Variants in WDR26 observed in about 807,000 individuals in gnomAD.
WDR26 encodes the protein WD repeat domain 26.
A neutral mutation model predicts 84.1 loss-of-function variants in WDR26; 5 were observed. That is an observed-to-expected ratio of 0.06 (90% CI 0.03 to 0.13). WDR26 has a LOEUF of 0.13. Ranked by LOEUF, WDR26 falls within the 10% of genes least tolerant of loss-of-function variation. The pLI is 1.00. For missense variants in WDR26, 642 were observed against 974.9 expected (o/e 0.66, Z 4.55); for synonymous variants, 415 against 389.6 (o/e 1.07, Z -0.77).
intron 8 of WDR26, among the ~76,000 whole-genome samples, chr1:224,403,539 T>C (rs930005552): frequency 2.6e-5 from 4 of 152,226 alleles, no homozygotes; most frequent in African/African-American, 7.2e-5. Flanking sequence ...AGTCTTACTA[T>C]TATAACTACA....
chr1:224,413,679 G>A (rs1325616166), intron 6 of WDR26, among the ~76,000 whole-genome samples: 1 of 152,124 alleles, frequency 6.6e-6, no homozygotes, highest in Non-Finnish European at 1.5e-5. Context: ...TTGGACCTAT[G>A]GTTGACTCCA....
chr1:224,403,755 G>A (rs914559504), intron 8 of WDR26, among the ~76,000 whole-genome samples: 4 of 152,202 alleles, frequency 2.6e-5, no homozygotes, highest in Non-Finnish European at 4.4e-5. Flanking sequence ...TGGCCAACAT[G>A]ATGAAACCTC....
intron 1 of WDR26, 44 bp from the exon 2 acceptor site, chr1:224,431,825 G>A: frequency 6.8e-7 from 1 of 1,469,022 alleles, no homozygotes. Flanking sequence ...CCAATTTTAG[G>A]GTTTTAATCC....
intron 9 of WDR26, 134 bp from the exon 10 acceptor site, chr1:224,399,168 A>G: frequency 1.4e-6 from 1 of 719,260 alleles, no homozygotes; most frequent in African/African-American, 1.9e-5. Context: ...TCTCAACCTA[A>G]TTGTTCTAGA....
chr1:224,430,332 T>C (rs1037802712), intron 3 of WDR26: 2 of 152,120 alleles, frequency 1.3e-5, no homozygotes, highest in Non-Finnish European at 2.9e-5. Context: ...TTTTTAATAT[T>C]TTAAGTATTT....
intron 7 of WDR26, among the ~76,000 whole-genome samples, chr1:224,406,110 A>AGAGGCT (rs1673542224): frequency 1.3e-5 from 2 of 152,342 alleles, no homozygotes; most frequent in South Asian, 2.1e-4. Flanking sequence ...CCATACTTTG[A>AGAGGCT]GAGGCTGAGG....
Position 224,401,026 on chromosome 1 carries a change from C to T in WDR26, c.1643G>A (p.Ser548Asn), listed in dbSNP as rs1471460135. 6.2e-7 allele frequency: 1 copy of T among 1,614,028 alleles called. No individual in the cohort carries two copies. The highest frequency in any genetic ancestry group is 8.5e-7 in the Non-Finnish European group (1 of 1,180,022). Reference sequence around the variant, plus strand: ...TGGATTCCAAGCCACACTTGTCAAACTGTCTTCATGAGACTGGCTCATTTT... The same window carrying T: ...TGGATTCCAAGCCACACTTGTCAAATTGTCTTCATGAGACTGGCTCATTTT... The change falls in exon 9 of 14, where the codon AGT (serine) becomes AAT (asparagine). Residue 548 changes from serine to asparagine, a missense_variant. Coordinates refer to ENST00000414423, the MANE Select transcript of WDR26 (RefSeq NM_001379403.1).
At chr1:224,427,701 A>G (rs1233813366) in intron 3 of WDR26, among the ~76,000 whole-genome samples, 1 of 152,250 alleles carries the variant, frequency 6.6e-6, no homozygotes, top group Non-Finnish European at 1.5e-5. Context: ...GTTTGAAAGA[A>G]AATGTTTATT....
At chr1:224,411,747 CTGT>C (rs1260205549) in intron 6 of WDR26, among the ~76,000 whole-genome samples, 182 bp from the exon 7 acceptor site, 3 of 150,242 alleles carry the variant, frequency 2.0e-5, no homozygotes, top group Non-Finnish European at 4.4e-5. Flanking sequence ...TGCCCAGGCT[CTGT>C]ACTGTTGTAC....
chr1:224,407,147 A>ATATATAT (rs1164642480), intron 7 of WDR26, among the ~76,000 whole-genome samples: 4 of 19,454 alleles, frequency 2.1e-4, no homozygotes, highest in African/African-American at 8.0e-4. Flanking sequence ...AAAAAAAAAA[A>ATATATAT]AAAAATATAT....
At chr1:224,433,553 G>C in intron 1 of WDR26, 131 bp downstream of exon 1, 1 of 1,274,492 alleles carries the variant, frequency 7.8e-7, no homozygotes, top group African/African-American at 1.5e-5. Context: ...ACTGGGTCCT[G>C]CGTGCCCAGC....
At chr1:224,392,188 C>T (rs571544094) in intron 13 of WDR26, among the ~76,000 whole-genome samples, 1 of 151,900 alleles carries the variant, frequency 6.6e-6, no homozygotes, top group Non-Finnish European at 1.5e-5. Flanking sequence ...AGTGAAACCC[C>T]GTCTCTACTA....
At chr1:224,393,268 CTT>C (rs1344685475) in intron 13 of WDR26, among the ~76,000 whole-genome samples, 1 of 152,170 alleles carries the variant, frequency 6.6e-6, no homozygotes, top group Non-Finnish European at 1.5e-5. Flanking sequence ...ACTATGAAGA[CTT>C]TATGCAAGAC....
At chr1:224,430,361 A>G (rs1419211633) in intron 3 of WDR26, 1 of 152,170 alleles carries the variant, frequency 6.6e-6, no homozygotes, top group Non-Finnish European at 1.5e-5. Context: ...AATAAAAATA[A>G]TACACTACAT....
chr1:224,415,834 T>C (rs1363519899), intron 6 of WDR26, among the ~76,000 whole-genome samples: 1 of 152,172 alleles, frequency 6.6e-6, no homozygotes, highest in Non-Finnish European at 1.5e-5. Context: ...ACTAAGAATC[T>C]AGAATGTTTT....
Position 224,389,799 on chromosome 1 carries a change from T to A in WDR26, c.*36A>T, listed in dbSNP as rs747740538. On this transcript the variant is annotated 3_prime_UTR_variant, in exon 14 of 14. Coordinates refer to ENST00000414423, the MANE Select transcript of WDR26 (RefSeq NM_001379403.1). ...CAAGCCATTAAAATACGACTAATTT[T>A]AAGTTAAACAGAAGTCGTCTGCTCC... 1 of 1,581,190 alleles carries A rather than the reference T, an allele frequency of 6.3e-7. No individual in the cohort carries two copies. Among genetic ancestry groups the A allele is most frequent in the African/African-American group, 1.5e-5 (1 of 68,908 alleles).
intron 3 of WDR26, chr1:224,430,065 TCTAA>T (rs1674340955): frequency 6.6e-6 from 1 of 152,188 alleles, no homozygotes. Context: ...CTTTTGGCCA[TCTAA>T]CTGTTTTTAT....
rs192114388 is a variant in WDR26 at position 224,434,748 on chromosome 1, C to A, written c.-343G>T. 3.0e-6 allele frequency: 3 copies of A among 987,102 alleles called. No individual in the cohort carries two copies. The highest frequency in any genetic ancestry group is 3.6e-6 in the Non-Finnish European group (3 of 831,076). The allele number at this position is 987,102 out of a possible 1,614,324, so 61.1% of individuals were successfully genotyped here. On this transcript the variant is annotated 5_prime_UTR_variant, in exon 1 of 14. Transcript: ENST00000414423. Reference sequence around the variant, plus strand: ...GCTGCCGCCTCTGTCCTCGGATCCGCTCCGCTCTGCTCCCTGGTGTGTTGA... The same window carrying A: ...GCTGCCGCCTCTGTCCTCGGATCCGATCCGCTCTGCTCCCTGGTGTGTTGA...
At chr1:224,418,547 C>G (rs10495219) in intron 5 of WDR26, 131 bp from the exon 6 acceptor site, 189,172 of 814,826 alleles carry the variant, frequency 0.23, 24,897 homozygotes, top group African/African-American at 0.48. Flanking sequence ...AGAAGTTCTG[C>G]GTTATGCGAT....
Sources: gnomAD v4.1 joint callset for allele counts (sites outside exome capture counted in the v4.1 genomes callset) on GRCh38, gnomAD v4.1.1 for gene constraint, MANE v1.5 for transcripts, NCBI Gene and HGNC (gene_info 2026-07-23, HGNC 2026-07-21) for gene names.